The following CLDN16 variants were observed in gnomAD, a reference collection of about 807,000 sequenced individuals.
CLDN16 encodes the protein claudin 16.
In CLDN16, 13 loss-of-function variants were observed where a neutral mutation model predicts 24.6. The ratio of observed to expected loss-of-function variants is 0.53; its 90% CI spans 0.34 to 0.84. CLDN16 has a LOEUF of 0.84. CLDN16 is among the 40% of genes least tolerant of loss of function. The pLI is 0.01. For missense variants in CLDN16, 298 were observed against 292.7 expected (o/e 1.02, Z -0.13); for synonymous variants, 116 against 106.7 (o/e 1.09, Z -0.54).
chr3:190,330,881 T>A (rs1299107045), intron 1 of CLDN16, among the ~76,000 whole-genome samples: 2 of 152,190 alleles, frequency 1.3e-5, no homozygotes, highest in African/African-American at 4.8e-5. Flanking sequence ...ACTAAAGTCT[T>A]AAAATAAATC....
intron 1 of CLDN16, among the ~76,000 whole-genome samples, chr3:190,369,916 T>A (rs1448662951): frequency 6.6e-6 from 1 of 151,992 alleles, no homozygotes; most frequent in African/African-American, 2.4e-5. Context: ...TCTGAGTAGA[T>A]GAAACCTGTG....
rs1719009839 is a variant in CLDN16 at position 190,403,359 on chromosome 3, A to G, written c.217+920A>G. ...AAATAAAATAATAAATAAATAAATT[A>G]TAGTTACATGTCAGCAGAGCCCATG... On this transcript the variant is annotated intron_variant, in intron 2 of 4. Coordinates refer to ENST00000264734, the MANE Select transcript of CLDN16 (RefSeq NM_006580.4). 2.0e-5 allele frequency among the ~76,000 whole-genome samples: 3 copies of G among 152,210 alleles called. No homozygotes were observed. The South Asian group carries it at 6.2e-4, about 31-fold the overall frequency.
At chr3:190,342,398 A>G (rs1386807765) in intron 1 of CLDN16, among the ~76,000 whole-genome samples, 2 of 152,228 alleles carry the variant, frequency 1.3e-5, no homozygotes, top group Non-Finnish European at 2.9e-5. Context: ...ACATACAAAA[A>G]TCTGTGGGAT....
At chr3:190,329,945 G>C (rs1717146131) in intron 1 of CLDN16, among the ~76,000 whole-genome samples, 1 of 152,084 alleles carries the variant, frequency 6.6e-6, no homozygotes, top group African/African-American at 2.4e-5. Context: ...AGTTGAAAAA[G>C]TATGATGGGG....
chr3:190,358,846 C>T (rs1279482623), intron 1 of CLDN16, among the ~76,000 whole-genome samples: 2 of 151,978 alleles, frequency 1.3e-5, no homozygotes, highest in East Asian at 1.9e-4. Flanking sequence ...CTTGGAAGGA[C>T]ATCAGTAGTT....
At chr3:190,387,798 C>A, upstream of CLDN16, 1 of 356,360 alleles carries the variant, frequency 2.8e-6, no homozygotes, top group Non-Finnish European at 5.4e-6. Context: ...TCACCAGTGG[C>A]CTGTCTGTCT....
At chr3:190,315,777 C>T in the CLDN16 span, among the ~76,000 whole-genome samples, 1 of 152,116 alleles carries the variant, frequency 6.6e-6, no homozygotes, top group Non-Finnish European at 1.5e-5. Context: ...CAAGTAAAAA[C>T]AGAAGGTCAC....
the CLDN16 span, among the ~76,000 whole-genome samples, chr3:190,316,418 C>T: frequency 6.6e-6 from 1 of 152,098 alleles, no homozygotes; most frequent in Admixed American, 6.6e-5. Flanking sequence ...AAATAATATA[C>T]ACATGTAGTC....
chr3:190,291,875 C>T, the CLDN16 span, among the ~76,000 whole-genome samples: 3 of 152,182 alleles, frequency 2.0e-5, no homozygotes. Context: ...AATCTTAAAG[C>T]TTCAAAATAA....
At chr3:190,380,781 A>C (rs1718354366) in intron 3 of CLDN16, among the ~76,000 whole-genome samples, 1 of 152,058 alleles carries the variant, frequency 6.6e-6, no homozygotes, top group Non-Finnish European at 1.5e-5. Context: ...CCATCTAAAA[A>C]AATAAATAAA....
At chr3:190,356,004 A>G (rs757757088) in intron 1 of CLDN16, among the ~76,000 whole-genome samples, 114 of 151,654 alleles carry the variant, frequency 7.5e-4, no homozygotes, top group Non-Finnish European at 1.3e-3. Flanking sequence ...AACTGAACTG[A>G]GCCTAAAATT....
At chr3:190,382,179 C>G (rs1718384494) in intron 3 of CLDN16, among the ~76,000 whole-genome samples, 1 of 152,094 alleles carries the variant, frequency 6.6e-6, no homozygotes, top group Non-Finnish European at 1.5e-5. Flanking sequence ...TGCCTACTAA[C>G]TCAAAGGGAG....
chr3:190,312,075 C>T, the CLDN16 span, among the ~76,000 whole-genome samples: 8 of 151,512 alleles, frequency 5.3e-5, no homozygotes, highest in African/African-American at 1.2e-4. Context: ...GGATTACAGG[C>T]GTGCACCACC....
At chr3:190,335,556 A>G (rs2108625956) in intron 1 of CLDN16, among the ~76,000 whole-genome samples, 1 of 152,074 alleles carries the variant, frequency 6.6e-6, no homozygotes, top group African/African-American at 2.4e-5. Context: ...CTACTAAAAT[A>G]CAAAAAACAT....
intron 1 of CLDN16, among the ~76,000 whole-genome samples, chr3:190,338,190 C>T (rs529584201): frequency 1.3e-5 from 2 of 152,108 alleles, no homozygotes; most frequent in Non-Finnish European, 2.9e-5. Context: ...AATTTTAGAG[C>T]CTGTGGATCC....
At position 190,388,366 on chromosome 3, in the gene CLDN16, G is replaced by T. The variant is rs977137021; in HGVS notation, c.37G>T (p.Ala13Ser). Residue 13 changes from alanine (A) to serine (S), a missense_variant, in exon 1 of 5, where the codon GCC (alanine) becomes TCC (serine). By Grantham distance (99) the Ala-to-Ser change is moderately conservative. Coordinates refer to ENST00000264734, the MANE Select transcript of CLDN16 (RefSeq NM_006580.4). ...TCTTCAATACATCGCTTGCTTCTTT[G>T]CCTTTTTCTCTGCTGGGTTTTTGAT... ...DLLQYIACFF[A>S]FFSAGFLIVA... The T allele has an allele frequency of 6.2e-7, 1 of 1,613,962 alleles. No individual in the cohort carries two copies. The highest frequency in any genetic ancestry group is 8.5e-7 in the Non-Finnish European group (1 of 1,179,974).
chr3:190,292,848 T>A, the CLDN16 span, among the ~76,000 whole-genome samples: 1 of 152,276 alleles, frequency 6.6e-6, no homozygotes, highest in South Asian at 2.1e-4. Context: ...TCCACATCAC[T>A]ATCAGCATTT....
intron 4 of CLDN16, 87 bp downstream of exon 4, chr3:190,408,592 T>A: frequency 7.8e-7 from 1 of 1,276,284 alleles, no homozygotes; most frequent in East Asian, 2.5e-5. Context: ...AGGAAAAAAA[T>A]GTTATTTATT....
chr3:190,409,913 T>C lies in CLDN16; in HGVS notation c.585T>C (p.Pro195=), dbSNP rs781161632. The change falls in exon 5 of 5, where the codon CCT becomes CCC. Residue 195 remains proline (P), a synonymous_variant. Transcript: ENST00000264734. The part of the protein sequence containing the change: ...CCLYLFKDVG[P]ERNYPYSLRK... ...ATTTCTTTCAAACAGATGTTGGACC[T>C]GAGAGAAACTATCCTTATTCCTTGA... 12 of 1,614,040 alleles carry C rather than the reference T, an allele frequency of 7.4e-6. No individual in the cohort carries two copies. Among genetic ancestry groups the C allele is most frequent in the Non-Finnish European group, 1.0e-5 (12 of 1,179,902 alleles).
Sources: allele counts gnomAD v4.1 joint callset (sites outside exome capture counted in the v4.1 genomes callset), GRCh38; gene constraint gnomAD v4.1.1; transcripts MANE v1.5; gene names NCBI Gene and HGNC (gene_info 2026-07-23, HGNC 2026-07-21).